Variants in FNDC9 observed in about 807,000 individuals in gnomAD.
FNDC9 encodes the protein fibronectin type III domain-containing protein 9.
In FNDC9, 3 loss-of-function variants were observed where a neutral mutation model predicts 9.0. That is an observed-to-expected ratio of 0.33 (90% CI 0.15 to 0.86). The LOEUF (loss-of-function observed/expected upper bound fraction) is 0.86. Among genes scored for constraint, FNDC9 ranks in the 40% least tolerant of loss-of-function variants. The pLI is 0.53. For missense variants in FNDC9, 279 were observed against 287.2 expected, an observed-to-expected ratio of 0.97 and a Z score of 0.21; for synonymous variants, 114 against 115.6, an observed-to-expected ratio of 0.99 and a Z score of 0.09.
chr5:157,343,679 C>T (rs1009408794), intron 1 of FNDC9, 136 bp from the exon 2 acceptor site: 12 of 750,072 alleles, frequency 1.6e-5, no homozygotes, highest in Non-Finnish European at 2.3e-5. Flanking sequence ...AAATGGAGGC[C>T]GAGAGGTTCT....
rs745818163 is a variant in FNDC9, at chr5:157,343,065, A to C, written c.472T>G (p.Leu158Val). Residue 158 changes from leucine (L) to valine (V), a missense_variant, in exon 2 of 2, where the codon TTG (leucine) becomes GTG (valine). By Grantham distance (32) the Leu-to-Val change is conservative (BLOSUM62 1). Transcript: ENST00000312349. ...GGGGCCTCCTCTGGCCATCTCACCAACCCATTGGCCTCCTCCATGTGGCCA... is the reference window on the plus strand; with the variant it reads ...GGGGCCTCCTCTGGCCATCTCACCACCCCATTGGCCTCCTCCATGTGGCCA... ...RAGHMEEANG[L>V]VRWPEEAPDL... 6.2e-7 allele frequency: 1 copy of C among 1,613,974 alleles called. No homozygotes were observed. Among genetic ancestry groups the C allele is most frequent in the South Asian group, 1.1e-5 (1 of 91,074 alleles).
rs761248863 is a variant in FNDC9 at position 157,343,295 on chromosome 5, G to A, written c.242C>T (p.Ala81Val). 6.2e-7 allele frequency: 1 copy of A among 1,614,210 alleles called. No individual in the cohort carries two copies. The highest frequency in any genetic ancestry group is 2.2e-5 in the East Asian group (1 of 44,888). ...LYFLCISCKK[A>V]AFPYRHYCTM... Reference sequence around the variant, plus strand: ...GCAGTAGTGCCTGTAAGGGAAGGCAGCCTTCTTACAGCTGATGCACAGGAA... The same window carrying A: ...GCAGTAGTGCCTGTAAGGGAAGGCAACCTTCTTACAGCTGATGCACAGGAA... The change falls in exon 2 of 2, where the codon GCT becomes GTT. Residue 81 changes from alanine to valine, a missense_variant. Transcript: ENST00000312349.
chr5:157,343,117 G>A lies in FNDC9; in HGVS notation c.420C>T (p.Cys140=), dbSNP rs1372295676. The stretch of plus-strand genomic sequence containing the variant: ...CCCTGTAAGACCATCGCGGCTCATG[G>A]CAACGGACACACCAGAACTGGAGGC... ...FICLQFWCVR[C]HEPRWSYRAG... The change falls in exon 2 of 2, where the codon TGC becomes TGT. Residue 140 remains cysteine (C), a synonymous_variant. Coordinates refer to ENST00000312349, the MANE Select transcript of FNDC9 (RefSeq NM_001001343.4). The A allele has an allele frequency of 3.1e-6, 5 of 1,614,184 alleles. No homozygotes were observed. The South Asian group carries it at 5.5e-5, about 18-fold the overall frequency.
rs753274772 is a variant in FNDC9, at chr5:157,343,213, G to T, written c.324C>A (p.Asp108Glu). Residue 108 changes from aspartate (D) to glutamate (E), a missense_variant, in exon 2 of 2, where the codon GAC becomes GAA. Coordinates refer to ENST00000312349, the MANE Select transcript of FNDC9 (RefSeq NM_001001343.4). ...TCAGCACCCAAAGGGAGATCTGGGG[G>T]TCTACCAGGGAGCTTCCAGGAGCCA... ...SPLAPGSSLVDPQISLWVLMA... is the reference protein window; with the variant it reads ...SPLAPGSSLVEPQISLWVLMA... The T allele has an allele frequency of 8.1e-6, 13 of 1,614,226 alleles. No individual in the cohort carries two copies. The highest frequency in any genetic ancestry group is 1.1e-5 in the Non-Finnish European group (13 of 1,180,036).
intron 1 of FNDC9, among the ~76,000 whole-genome samples, chr5:157,345,042 C>G (rs544114608): frequency 3.0e-4 from 45 of 152,290 alleles, no homozygotes; most frequent in African/African-American, 9.9e-4. Flanking sequence ...AAATAGGGAA[C>G]GAAAGGGATG....
rs942740309 is a variant in FNDC9, at chr5:157,341,694, G to C, written c.*1168C>G. The stretch of plus-strand genomic sequence containing the variant: ...AATGCATGAGGTAGGCAAGGGAATA[G>C]GGATGTGGGGCTTCTCGTCTTGGCT... On this transcript the variant is annotated 3_prime_UTR_variant, in exon 2 of 2. Transcript: ENST00000312349. 1 of 158,438 alleles carries C rather than the reference G, an allele frequency of 6.3e-6. No homozygotes were observed. The highest frequency in any genetic ancestry group is 1.4e-5 in the Non-Finnish European group (1 of 71,720). The allele number at this position is 158,438 out of a possible 1,614,324, so 9.8% of individuals were successfully genotyped here.
chr5:157,342,624 T>TGTGTCCTCC lies in FNDC9; in HGVS notation c.*229_*237dup. 1 of 457,690 alleles carries TGTGTCCTCC rather than the reference T, an allele frequency of 2.2e-6. No individual in the cohort carries two copies. The highest frequency in any genetic ancestry group is 6.0e-5 in the South Asian group (1 of 16,618). 28.4% of individuals were successfully genotyped at this position (457,690 alleles called of 1,614,324 possible). On this transcript the variant is annotated 3_prime_UTR_variant, in exon 2 of 2. Coordinates refer to ENST00000312349, the MANE Select transcript of FNDC9 (RefSeq NM_001001343.4). ...TAAAACAATGCTTTCAATTCTTAAC[T>TGTGTCCTCC]GTGTCCTCCGAGTGGACGCTGCTGC...
In FNDC9 at chr5:157,342,292, A is replaced by G. The variant is rs569175871; in HGVS notation, c.*570T>C. ...ACGCTTAAAAAATGAGTCAATTTAA[A>G]GGAAAGTATTATTAATAATAGTGAA... On this transcript the variant is annotated 3_prime_UTR_variant, in exon 2 of 2. Coordinates refer to ENST00000312349, the MANE Select transcript of FNDC9 (RefSeq NM_001001343.4). 6.5e-6 allele frequency: 1 copy of G among 152,776 alleles called. No individual in the cohort carries two copies. The highest frequency in any genetic ancestry group is 1.9e-4 in the East Asian group (1 of 5,188). 9.5% of individuals were successfully genotyped at this position (152,776 alleles called of 1,614,324 possible). A position where few individuals can be genotyped will look rare whatever the true frequency, so the allele number is the denominator to read the frequency against.
At position 157,342,906 on chromosome 5, in the gene FNDC9, C is replaced by G. The variant is rs201701167; in HGVS notation, c.631G>C (p.Gly211Arg). ...DAPDAGALQR[G>R]GGDPPAILPH... is the part of the protein sequence containing the mutation. ...AGTATAGCGGGTGGGTCACCACCCC[C>G]CCTCTGTAAGGCACCCGCATCAGGG... The change falls in exon 2 of 2, where the codon GGG becomes CGG. Residue 211 changes from glycine to arginine, a missense_variant. Transcript: ENST00000312349. 16 of 1,613,984 alleles carry G rather than the reference C, an allele frequency of 9.9e-6. No individual in the cohort carries two copies. Among genetic ancestry groups the G allele is most frequent in the Non-Finnish European group, 1.3e-5 (15 of 1,179,994 alleles).
chr5:157,342,910 C>G lies in FNDC9; in HGVS notation c.627G>C (p.Gln209His), dbSNP rs750878522. 5 of 1,614,144 alleles carry G rather than the reference C, an allele frequency of 3.1e-6. No individual in the cohort carries two copies. The highest frequency in any genetic ancestry group is 4.2e-6 in the Non-Finnish European group (5 of 1,179,990). ...NQDAPDAGALQRGGGDPPAIL... is the reference protein window; with the variant it reads ...NQDAPDAGALHRGGGDPPAIL... ...TAGCGGGTGGGTCACCACCCCCCCT[C>G]TGTAAGGCACCCGCATCAGGGGCAT... The change falls in exon 2 of 2, where the codon CAG (glutamine) becomes CAC (histidine). Residue 209 changes from glutamine to histidine, a missense_variant. Coordinates refer to ENST00000312349, the MANE Select transcript of FNDC9 (RefSeq NM_001001343.4).
chr5:157,345,102 G>A (rs1241587684), intron 1 of FNDC9, among the ~76,000 whole-genome samples: 2 of 152,222 alleles, frequency 1.3e-5, no homozygotes, highest in African/African-American at 2.4e-5. Flanking sequence ...GAAGGAGACC[G>A]AATGTTTATG....
At position 157,342,280 on chromosome 5, in the gene FNDC9, G is replaced by A. The variant is rs1390270312; in HGVS notation, c.*582C>T. On this transcript the variant is annotated 3_prime_UTR_variant, in exon 2 of 2. Coordinates refer to ENST00000312349, the MANE Select transcript of FNDC9 (RefSeq NM_001001343.4). ...GAAAATAAGTTTACGCTTAAAAAAT[G>A]AGTCAATTTAAAGGAAAGTATTATT... 4 of 152,610 alleles carry A rather than the reference G, an allele frequency of 2.6e-5. No homozygotes were observed. Among genetic ancestry groups the A allele is most frequent in the African/African-American group, 4.8e-5 (2 of 41,434 alleles). 9.5% of individuals were successfully genotyped at this position (152,610 alleles called of 1,614,324 possible).
intron 1 of FNDC9, among the ~76,000 whole-genome samples, chr5:157,345,057 G>A (rs563915124): frequency 2.0e-4 from 30 of 152,336 alleles, no homozygotes; most frequent in African/African-American, 7.0e-4. Context: ...GGGATGAGAC[G>A]GATGTGCTCA....
rs201079002 is a variant in FNDC9, at chr5:157,343,381, C to G, written c.156G>C (p.Glu52Asp). The G allele has an allele frequency of 2.5e-6, 4 of 1,614,094 alleles. No individual in the cohort carries two copies. In the South Asian group the frequency reaches 4.4e-5, roughly 18 times the overall value. ...GYLRYSFHHE[E>D]KVPRTISSVV... ...CGGAGCTGATCGTTCGAGGCACCTT[C>G]TCCTCGTGGTGGAAGCTGTAGCGAA... Residue 52 changes from glutamate to aspartate, a missense_variant, in exon 2 of 2, where the codon GAG (glutamate) becomes GAC (aspartate). By Grantham distance (45) the Glu-to-Asp change is conservative (BLOSUM62 2). Transcript: ENST00000312349.
intron 1 of FNDC9, 34 bp from the exon 2 acceptor site, chr5:157,343,577 C>T (rs781545449): frequency 4.7e-6 from 7 of 1,476,694 alleles, no homozygotes; most frequent in Non-Finnish European, 5.5e-6. Context: ...AGTGACATCC[C>T]CTGATTTAAG....
At chr5:157,344,998 T>C (rs1448142125) in intron 1 of FNDC9, among the ~76,000 whole-genome samples, 1 of 152,244 alleles carries the variant, frequency 6.6e-6, no homozygotes, top group Non-Finnish European at 1.5e-5. Context: ...AGGTGAATAG[T>C]GTCTTTCTAT....
chr5:157,343,512 A>T lies in FNDC9; in HGVS notation c.25T>A (p.Ser9Thr). The part of the protein sequence containing the change: MNIEVGNI[S>T]YTGAIISWSS... ...CAGGAGATGATGGCTCCTGTATAAG[A>T]AATGTTCCCCACCTCGATGTTCATC... is the stretch of plus-strand genomic sequence containing the variant. The change falls in exon 2 of 2, where the codon TCT (serine) becomes ACT (threonine). Residue 9 changes from serine to threonine, a missense_variant. Physicochemically the swap from Ser to Thr is moderately conservative, Grantham distance 58. Coordinates refer to ENST00000312349, the MANE Select transcript of FNDC9 (RefSeq NM_001001343.4). 19 of 1,579,228 alleles carry T rather than the reference A, an allele frequency of 1.2e-5. No individual in the cohort carries two copies. In the Middle Eastern group the frequency reaches 2.9e-3, roughly 240 times the overall value.
intron 1 of FNDC9, among the ~76,000 whole-genome samples, chr5:157,344,497 G>T (rs1413372935): frequency 6.6e-6 from 1 of 152,162 alleles, no homozygotes; most frequent in African/African-American, 2.4e-5. Context: ...GCAAAATGAG[G>T]TGCCAGGACT....
At position 157,342,955 on chromosome 5, in the gene FNDC9, C is replaced by T; in HGVS notation, c.582G>A (p.Leu194=). ...GGGCATCCTGGTTGGCTTCGGGATC[C>T]AGTTCAGCTCCATCTCTGGAGTTCT... ...PRKNSRDGAE[L]DPEANQDAPD... The change falls in exon 2 of 2, where the codon CTG becomes CTA. Residue 194 remains leucine, a synonymous_variant. Coordinates refer to ENST00000312349, the MANE Select transcript of FNDC9 (RefSeq NM_001001343.4). 1 of 1,614,246 alleles carries T rather than the reference C, an allele frequency of 6.2e-7. No individual in the cohort carries two copies. Among genetic ancestry groups the T allele is most frequent in the Non-Finnish European group, 8.5e-7 (1 of 1,180,038 alleles).
Sources: allele counts gnomAD v4.1 joint callset (sites outside exome capture counted in the v4.1 genomes callset), GRCh38; gene constraint gnomAD v4.1.1; transcripts MANE v1.5; gene names NCBI Gene and HGNC (gene_info 2026-07-23, HGNC 2026-07-21).